Variants in AXDND1 observed in about 807,000 individuals in gnomAD.
AXDND1 encodes the protein axonemal dynein light chain domain-containing protein 1.
AXDND1 carries 110 observed loss-of-function variants against 137.5 expected under a neutral mutation model. The observed-to-expected ratio is 0.80, with a 90% CI of 0.69 to 0.94. The LOEUF (loss-of-function observed/expected upper bound fraction) is 0.94. AXDND1 is among the 40% of genes least tolerant of loss of function. AXDND1 has a pLI of 0.00. For missense variants in AXDND1, 1,191 were observed against 1,169.8 expected (o/e 1.02, Z -0.26); for synonymous variants, 414 against 399.7 (o/e 1.04, Z -0.43).
intron 25 of AXDND1, among the ~76,000 whole-genome samples, chr1:179,552,918 A>G (rs917597848): frequency 2.0e-5 from 3 of 152,254 alleles, no homozygotes; most frequent in Admixed American, 1.3e-4. Flanking sequence ...GTTTCTCATT[A>G]TCAGCACAGC....
chr1:179,394,230 C>A (rs1650658274), intron 10 of AXDND1, among the ~76,000 whole-genome samples, 187 bp downstream of exon 10: 1 of 152,080 alleles, frequency 6.6e-6, no homozygotes, highest in South Asian at 2.1e-4. Flanking sequence ...ATGGGTTATG[C>A]AAGTTCACAT....
At chr1:179,535,910 G>A (rs12733374) in intron 25 of AXDND1, among the ~76,000 whole-genome samples, 15,766 of 152,058 alleles carry the variant, frequency 0.1, 1,145 homozygotes, top group East Asian at 0.35. Flanking sequence ...TTTAATGATC[G>A]CCATTCTAAC....
chr1:179,410,144 C>T (rs967461412), intron 11 of AXDND1, among the ~76,000 whole-genome samples: 8 of 152,118 alleles, frequency 5.3e-5, no homozygotes, highest in Non-Finnish European at 8.8e-5. Flanking sequence ...AATTCTACTT[C>T]AGTGGACTAA....
Position 179,377,135 on chromosome 1 carries a change from T to C in AXDND1, c.375-1502T>C, listed in dbSNP as rs1332265063. Among the ~76,000 whole-genome samples the C allele has an allele frequency of 2.0e-5, 3 of 152,158 alleles. No homozygotes were observed. The East Asian group carries it at 5.8e-4, about 29-fold the overall frequency. On this transcript the variant is annotated intron_variant, in intron 4 of 25. Transcript: ENST00000367618. ...CTAGTAGAGATGGGGTTTCGCCATA[T>C]TGGTCAGGTTGGCCACAAACTCCTG...
At chr1:179,549,347 C>G (rs1465635415) in intron 25 of AXDND1, among the ~76,000 whole-genome samples, 1 of 152,148 alleles carries the variant, frequency 6.6e-6, no homozygotes, top group African/African-American at 2.4e-5. Flanking sequence ...TCAAGCCCAC[C>G]AACTGCAACA....
intron 20 of AXDND1, among the ~76,000 whole-genome samples, chr1:179,500,835 C>T (rs1558274283): frequency 1.3e-5 from 2 of 152,244 alleles, no homozygotes; most frequent in East Asian, 3.9e-4. Flanking sequence ...CCATACCTGG[C>T]TAATTTTTGT....
intron 23 of AXDND1, among the ~76,000 whole-genome samples, chr1:179,529,417 G>C: frequency 6.6e-6 from 1 of 152,202 alleles, no homozygotes; most frequent in East Asian, 1.9e-4. Context: ...TGATTAATAG[G>C]AGAAAAGGCA....
chr1:179,523,168 T>A (rs147745454), intron 21 of AXDND1, among the ~76,000 whole-genome samples: 259 of 152,042 alleles, frequency 1.7e-3, no homozygotes, highest in African/African-American at 5.6e-3. Context: ...CCTAGCATTT[T>A]ATTTTTTTCA....
At chr1:179,484,152 C>G (rs1490895365) in intron 18 of AXDND1, among the ~76,000 whole-genome samples, 1 of 152,224 alleles carries the variant, frequency 6.6e-6, no homozygotes, top group Non-Finnish European at 1.5e-5. Flanking sequence ...GTGACCTACT[C>G]TTGCCGTAGG....
intron 11 of AXDND1, among the ~76,000 whole-genome samples, chr1:179,397,108 A>C (rs1462659259): frequency 6.6e-6 from 1 of 152,154 alleles, no homozygotes; most frequent in Non-Finnish European, 1.5e-5. Flanking sequence ...GTGTTTTTTA[A>C]TAGCAGCTGG....
intron 12 of AXDND1, among the ~76,000 whole-genome samples, chr1:179,413,275 C>T (rs139341902): frequency 1.3e-5 from 2 of 151,858 alleles, no homozygotes; most frequent in South Asian, 2.1e-4. Context: ...TTCAGGGGTA[C>T]GTGTGCAGGA....
intron 4 of AXDND1, among the ~76,000 whole-genome samples, chr1:179,374,398 A>C (rs561001108): frequency 6.6e-6 from 1 of 152,334 alleles, no homozygotes; most frequent in East Asian, 1.9e-4. Flanking sequence ...TAGTTCAACC[A>C]TTGTGGAAGA....
intron 12 of AXDND1, among the ~76,000 whole-genome samples, chr1:179,426,301 C>T (rs1571782177): frequency 6.6e-6 from 1 of 152,238 alleles, no homozygotes; most frequent in East Asian, 1.9e-4. Context: ...TCCAGCAAAA[C>T]AGTAGGCACA....
chr1:179,395,131 A>G lies in AXDND1; in HGVS notation c.1038A>G (p.Lys346=), dbSNP rs776492928. 6.2e-7 allele frequency: 1 copy of G among 1,613,538 alleles called. No homozygotes were observed. The highest frequency in any genetic ancestry group is 8.5e-7 in the Non-Finnish European group (1 of 1,179,780). Residue 346 remains lysine, a synonymous_variant, in exon 11 of 26, where the codon AAA becomes AAG. Coordinates refer to ENST00000367618, the MANE Select transcript of AXDND1 (RefSeq NM_144696.6). ...ELCLVRAHDV[K]LTKETEKAHK... ...GTCTAGTTCGGGCACATGATGTGAA[A>G]TTAACAAAGGAAACAGAAAAAGCCC...
chr1:179,400,563 C>A (rs1454846525), intron 11 of AXDND1, among the ~76,000 whole-genome samples: 3 of 145,934 alleles, frequency 2.1e-5, no homozygotes, highest in African/African-American at 7.7e-5. Context: ...ACCCCAATAA[C>A]TTATGGAAAA....
chr1:179,401,863 CT>C (rs1652127675), intron 11 of AXDND1, among the ~76,000 whole-genome samples: 1 of 151,986 alleles, frequency 6.6e-6, no homozygotes, highest in Non-Finnish European at 1.5e-5. Context: ...CATTAAACCT[CT>C]TTTCCTTTAT....
In AXDND1 at chr1:179,488,634, CCTTTCTTTCTTTCTTTCTTT is replaced by C. The variant is rs57848949; in HGVS notation, c.2092-2858_2092-2839del. On this transcript the variant is annotated intron_variant, in intron 18 of 25. Coordinates refer to ENST00000367618, the MANE Select transcript of AXDND1 (RefSeq NM_144696.6). The stretch of plus-strand genomic sequence containing the variant: ...TTTCTTTCTTTCTCTCTCTCTCTCT[CCTTTCTTTCTTTCTTTCTTT>C]CTTTCTTTCTTTCTTTCTTTCTTTC... Among the ~76,000 whole-genome samples the C allele has an allele frequency of 4.3e-4, 45 of 105,254 alleles. 4 individuals are homozygous for C. Among genetic ancestry groups the C allele is most frequent in the African/African-American group, 9.4e-4 (24 of 25,654 alleles). 69.1% of individuals were successfully genotyped at this position (105,254 alleles called of 152,430 possible). A position where few individuals can be genotyped will look rare whatever the true frequency, so the allele number is the denominator to read the frequency against.
intron 12 of AXDND1, among the ~76,000 whole-genome samples, chr1:179,419,594 G>A (rs1034737115): frequency 5.6e-5 from 8 of 143,102 alleles, no homozygotes; most frequent in African/African-American, 1.3e-4. Flanking sequence ...GGCATCAGAG[G>A]GAGACCGTGG....
At chr1:179,511,106 G>T (rs1669001848) in intron 21 of AXDND1, among the ~76,000 whole-genome samples, 2 of 152,000 alleles carry the variant, frequency 1.3e-5, no homozygotes, top group East Asian at 1.9e-4. Flanking sequence ...GGTGGAGGCT[G>T]CAGTGAGCCG....
Sources: gnomAD v4.1 joint callset for allele counts (sites outside exome capture counted in the v4.1 genomes callset) on GRCh38, gnomAD v4.1.1 for gene constraint, MANE v1.5 for transcripts, NCBI Gene and HGNC (gene_info 2026-07-23, HGNC 2026-07-21) for gene names.